The following TFB1M variants were observed in gnomAD, a reference collection of about 807,000 sequenced individuals.
The protein encoded by TFB1M is transcription factor B1, mitochondrial.
Under a neutral mutation model 31.1 loss-of-function variants are expected in TFB1M, and 27 were observed. The observed-to-expected ratio is 0.87, with a 90% CI of 0.64 to 1.20. TFB1M has a LOEUF of 1.20. Among genes scored for constraint, TFB1M ranks in the 50% most tolerant of loss-of-function variants. The pLI, the probability that TFB1M is intolerant of heterozygous loss-of-function variation, is 0.00. For missense variants in TFB1M, 394 were observed against 418.7 expected (o/e 0.94, Z 0.51); for synonymous variants, 166 against 151.8 (o/e 1.09, Z -0.69).
At chr6:155,286,566 T>C (rs542109171) in intron 4 of TFB1M, among the ~76,000 whole-genome samples, 41 of 148,600 alleles carry the variant, frequency 2.8e-4, no homozygotes, top group African/African-American at 9.8e-4. Context: ...TATATATGTA[T>C]ATATATACAT....
downstream of TFB1M, chr6:155,253,888 G>A: frequency 2.0e-6 from 2 of 984,390 alleles, no homozygotes. Context: ...TTTCTTAACT[G>A]ATGAGATTTC....
intron 2 of TFB1M, among the ~76,000 whole-genome samples, chr6:155,309,833 T>C (rs1352177314): frequency 6.6e-6 from 1 of 152,146 alleles, no homozygotes; most frequent in African/African-American, 2.4e-5. Context: ...ATTCTTAAAA[T>C]AAGAACACAG....
chr6:155,271,574 T>G (rs149343456), intron 5 of TFB1M, among the ~76,000 whole-genome samples: 78 of 152,308 alleles, frequency 5.1e-4, no homozygotes, highest in African/African-American at 1.8e-3. Context: ...AAAAACTTTC[T>G]TCTGAATGAT....
the TFB1M span, among the ~76,000 whole-genome samples, chr6:155,242,346 T>C: frequency 6.6e-6 from 1 of 152,318 alleles, no homozygotes; most frequent in East Asian, 1.9e-4. Flanking sequence ...CACAGAATCT[T>C]GTTGTTTTTT....
the TFB1M span, among the ~76,000 whole-genome samples, chr6:155,238,241 C>T: frequency 6.6e-6 from 1 of 152,230 alleles, no homozygotes; most frequent in African/African-American, 2.4e-5. Flanking sequence ...CAGTTCCCAA[C>T]AAGTTCCTCA....
Position 155,314,349 on chromosome 6 carries a change from A to G in TFB1M, c.80T>C (p.Leu27Pro), listed in dbSNP as rs889771228. ...TIREIIKLLR[L>P]QAAKQLSQNF... ...CTGTGATAGCTGCTTCGCTGCTTGC[A>G]GTCTTAACAACTTAATGATTTCTCG... The change falls in exon 1 of 7, where the codon CTG becomes CCG. Residue 27 changes from leucine to proline, a missense_variant. By Grantham distance (98) the Leu-to-Pro change is moderately conservative (BLOSUM62 -3). Transcript: ENST00000367166. The G allele has an allele frequency of 1.2e-6, 2 of 1,614,258 alleles. No individual in the cohort carries two copies. The highest frequency in any genetic ancestry group is 1.7e-6 in the Non-Finnish European group (2 of 1,180,044).
At chr6:155,283,191 GAGGCCAAAGCGGGT>G (rs990840706) in intron 5 of TFB1M, among the ~76,000 whole-genome samples, 3 of 152,130 alleles carry the variant, frequency 2.0e-5, no homozygotes, top group African/African-American at 7.2e-5. Context: ...GGCACTTTGG[GAGGCCAAAGCGGGT>G]AGGTCACTGG....
At chr6:155,303,375 C>A (rs1192463409) in intron 2 of TFB1M, 2 of 152,130 alleles carry the variant, frequency 1.3e-5, no homozygotes, top group East Asian at 1.9e-4. Context: ...GTTTCTTCTG[C>A]GTTTATATTT....
intron 4 of TFB1M, among the ~76,000 whole-genome samples, chr6:155,286,481 GTGTGTGTATATATATGTGTGTATATATA>G (rs71023637): frequency 5.9e-5 from 8 of 134,646 alleles, no homozygotes; most frequent in African/African-American, 1.1e-4. Context: ...ATATATATAT[GTGTGTGTATATATATGTGTGTATATATA>G]TGTGTGTATA....
intron 2 of TFB1M, among the ~76,000 whole-genome samples, chr6:155,302,865 G>A (rs1379023694): frequency 1.3e-5 from 2 of 152,116 alleles, no homozygotes; most frequent in Non-Finnish European, 2.9e-5. Flanking sequence ...TGGCTGGGGA[G>A]GCCTCAGGAA....
chr6:155,261,217 C>G (rs1784380665), intron 5 of TFB1M, among the ~76,000 whole-genome samples: 1 of 152,162 alleles, frequency 6.6e-6, no homozygotes, highest in African/African-American at 2.4e-5. Context: ...CACAAAAATG[C>G]TAACGGAGAC....
intron 5 of TFB1M, among the ~76,000 whole-genome samples, chr6:155,265,682 T>A (rs1459341396): frequency 6.8e-6 from 1 of 147,034 alleles, no homozygotes; most frequent in East Asian, 2.0e-4. Context: ...AATATATATA[T>A]ATGAGTTTAT....
chr6:155,269,600 G>T (rs1475176351), intron 5 of TFB1M, among the ~76,000 whole-genome samples: 2 of 152,062 alleles, frequency 1.3e-5, no homozygotes, highest in Non-Finnish European at 2.9e-5. Context: ...GGGATTACAG[G>T]TGTGAGCCAC....
At chr6:155,309,220 C>T (rs1015675782) in intron 2 of TFB1M, among the ~76,000 whole-genome samples, 6 of 152,120 alleles carry the variant, frequency 3.9e-5, no homozygotes, top group African/African-American at 1.4e-4. Flanking sequence ...TATATATATA[C>T]ACAGATGCAG....
intron 2 of TFB1M, among the ~76,000 whole-genome samples, chr6:155,306,496 A>T (rs1300507774): frequency 1.3e-5 from 2 of 152,220 alleles, no homozygotes; most frequent in East Asian, 3.8e-4. Flanking sequence ...AGGTGAATAG[A>T]TTCACAAATT....
the TFB1M span, among the ~76,000 whole-genome samples, chr6:155,246,271 T>C: frequency 1.7e-4 from 26 of 152,132 alleles, no homozygotes; most frequent in African/African-American, 6.0e-4. Flanking sequence ...ACGCCCTTAG[T>C]GCTCATTCAT....
the TFB1M span, among the ~76,000 whole-genome samples, chr6:155,239,101 C>A: frequency 6.6e-6 from 1 of 152,132 alleles, no homozygotes; most frequent in African/African-American, 2.4e-5. Context: ...TGTAAGCTTT[C>A]TGCAATATCC....
At chr6:155,240,593 G>C in the TFB1M span, 1 of 1,614,176 alleles carries the variant, frequency 6.2e-7, no homozygotes, top group Non-Finnish European at 8.5e-7. Flanking sequence ...CGGCATGGAA[G>C]GACCGCGGGA....
chr6:155,262,837 T>C (rs1342420957), intron 5 of TFB1M, among the ~76,000 whole-genome samples: 1 of 152,234 alleles, frequency 6.6e-6, no homozygotes, highest in Non-Finnish European at 1.5e-5. Context: ...ATACAGGAAG[T>C]GTCTAACTTT....
Sources: gnomAD v4.1 joint callset for allele counts (sites outside exome capture counted in the v4.1 genomes callset) on GRCh38, gnomAD v4.1.1 for gene constraint, MANE v1.5 for transcripts, NCBI Gene and HGNC (gene_info 2026-07-23, HGNC 2026-07-21) for gene names.